The following CSMD3 variants were observed in gnomAD, a reference collection of about 807,000 sequenced individuals.
CSMD3 encodes the protein CUB and Sushi multiple domains 3, also known as CUB and sushi domain-containing protein 3.
A neutral mutation model predicts 435.2 loss-of-function variants in CSMD3; 177 were observed. The ratio of observed to expected loss-of-function variants is 0.41; its 90% CI spans 0.36 to 0.46. The LOEUF (loss-of-function observed/expected upper bound fraction) is 0.46, where lower values mean the gene tolerates loss of function less well. Ranked by LOEUF, CSMD3 falls within the 20% of genes least tolerant of loss-of-function variation. The pLI is 0.34. For synonymous variants in CSMD3, 1,656 were observed against 1,520.5 expected, an observed-to-expected ratio of 1.09 and a Z score of -2.07; for missense variants, 4,265 against 4,504.6, an observed-to-expected ratio of 0.95 and a Z score of 1.52.
chr8:113,078,268 T>C (rs1030417349), intron 5 of CSMD3, among the ~76,000 whole-genome samples: 3 of 152,168 alleles, frequency 2.0e-5, no homozygotes, highest in African/African-American at 4.8e-5. Context: ...AGATATGCTA[T>C]TTATTTATTT....
At chr8:112,717,972 A>G (rs2076770619) in intron 13 of CSMD3, among the ~76,000 whole-genome samples, 2 of 152,094 alleles carry the variant, frequency 1.3e-5, no homozygotes, top group South Asian at 4.1e-4. Flanking sequence ...TGTAGGGCTT[A>G]AAACCTAGAT....
chr8:112,541,762 A>T, intron 27 of CSMD3, among the ~76,000 whole-genome samples: 1 of 151,964 alleles, frequency 6.6e-6, no homozygotes, highest in Non-Finnish European at 1.5e-5. Context: ...AAAACAAACA[A>T]AAAAATTTCC....
intron 18 of CSMD3, among the ~76,000 whole-genome samples, chr8:112,653,115 T>A (rs2075169685): frequency 1.3e-5 from 2 of 152,166 alleles, no homozygotes; most frequent in South Asian, 4.1e-4. Flanking sequence ...CGTGCCCAGC[T>A]AGTTTTAGAA....
At chr8:112,412,365 G>A (rs915799392) in intron 32 of CSMD3, among the ~76,000 whole-genome samples, 4 of 10,738 alleles carry the variant, frequency 3.7e-4, no homozygotes, top group African/African-American at 2.2e-3. Flanking sequence ...AAGCTCCGTG[G>A]TGGTCTGTTT....
chr8:113,315,414 T>A (rs899157352), intron 1 of CSMD3, among the ~76,000 whole-genome samples: 3 of 151,928 alleles, frequency 2.0e-5, no homozygotes, highest in African/African-American at 7.3e-5. Context: ...AATCCGAAGG[T>A]CAGGACAAAA....
intron 3 of CSMD3, among the ~76,000 whole-genome samples, chr8:113,174,215 A>G (rs963077017): frequency 7.9e-5 from 12 of 152,184 alleles, no homozygotes; most frequent in African/African-American, 2.7e-4. Context: ...ACTGAGGATA[A>G]TATCATTCAC....
chr8:112,788,402 T>C (rs945125864), intron 13 of CSMD3, among the ~76,000 whole-genome samples: 6 of 152,158 alleles, frequency 3.9e-5, no homozygotes, highest in African/African-American at 1.2e-4. Context: ...TCAGCTCCAA[T>C]GGAACCACTT....
intron 23 of CSMD3, among the ~76,000 whole-genome samples, chr8:112,584,840 C>T (rs961740270): frequency 3.3e-5 from 5 of 151,244 alleles, no homozygotes; most frequent in African/African-American, 1.2e-4. Context: ...CCACTATGTT[C>T]GATATTGTAA....
intron 23 of CSMD3, among the ~76,000 whole-genome samples, chr8:112,575,592 T>G (rs1243123812): frequency 6.6e-6 from 1 of 152,086 alleles, no homozygotes; most frequent in Non-Finnish European, 1.5e-5. Context: ...GGAATCTAAT[T>G]TATCATGCAA....
chr8:112,680,359 AAAAC>A (rs572501629), intron 16 of CSMD3, among the ~76,000 whole-genome samples: 26 of 152,248 alleles, frequency 1.7e-4, no homozygotes, highest in Admixed American at 2.6e-4. Context: ...ACTCCATCTC[AAAAC>A]AAACAAACAA....
At chr8:112,237,400 A>G in intron 66 of CSMD3, 52 bp from the exon 67 acceptor site, 1 of 1,294,548 alleles carries the variant, frequency 7.7e-7, no homozygotes, top group Non-Finnish European at 1.1e-6. Context: ...CCATATAAAT[A>G]TAAGCATTAA....
intron 1 of CSMD3, among the ~76,000 whole-genome samples, chr8:113,389,231 A>G (rs972404838): frequency 6.6e-6 from 1 of 151,686 alleles, no homozygotes; most frequent in Non-Finnish European, 1.5e-5. Context: ...TAAATTGAAT[A>G]CTTTAAACAC....
intron 27 of CSMD3, among the ~76,000 whole-genome samples, chr8:112,524,565 G>A (rs1426977947): frequency 6.6e-6 from 1 of 151,906 alleles, no homozygotes; most frequent in African/African-American, 2.4e-5. Context: ...CAGGCTAAGA[G>A]GAATAGTAGA....
chr8:112,723,497 A>C (rs558884831), intron 13 of CSMD3, among the ~76,000 whole-genome samples: 1 of 152,262 alleles, frequency 6.6e-6, no homozygotes, highest in Non-Finnish European at 1.5e-5. Flanking sequence ...AATTCTCAAA[A>C]TCAAATGTCA....
At chr8:112,506,652 A>C (rs762666997) in intron 29 of CSMD3, 39 bp downstream of exon 29, 30 of 1,603,184 alleles carry the variant, frequency 1.9e-5, no homozygotes, top group Admixed American at 5.0e-5. Context: ...GCCTAACAAT[A>C]TATTTTTTTA....
intron 11 of CSMD3, among the ~76,000 whole-genome samples, chr8:112,837,468 T>C (rs749959703): frequency 4.6e-5 from 7 of 151,772 alleles, no homozygotes; most frequent in Non-Finnish European, 1.0e-4. Flanking sequence ...AAAAAAGTTA[T>C]ATTATTTTGA....
At chr8:112,927,052 C>G (rs1171425353) in intron 9 of CSMD3, among the ~76,000 whole-genome samples, 1 of 151,986 alleles carries the variant, frequency 6.6e-6, no homozygotes, top group Non-Finnish European at 1.5e-5. Context: ...CACTAAACGT[C>G]AAGAAAATAA....
At chr8:113,436,311 C>A (rs895213527) in intron 1 of CSMD3, among the ~76,000 whole-genome samples, 4 of 152,126 alleles carry the variant, frequency 2.6e-5, no homozygotes, top group African/African-American at 9.7e-5. Context: ...ATATTCCACC[C>A]AAAGCCTCAA....
chr8:112,285,841 C>G (rs967745813), intron 58 of CSMD3, among the ~76,000 whole-genome samples: 1 of 152,018 alleles, frequency 6.6e-6, no homozygotes, highest in Non-Finnish European at 1.5e-5. Context: ...GCCTTAGCAT[C>G]CGGAGTCGCT....
Sources: gnomAD v4.1 joint callset for allele counts (sites outside exome capture counted in the v4.1 genomes callset) on GRCh38, gnomAD v4.1.1 for gene constraint, MANE v1.5 for transcripts, NCBI Gene and HGNC (gene_info 2026-07-23, HGNC 2026-07-21) for gene names.